The following AUTS2 variants were observed in gnomAD, a reference collection of about 807,000 sequenced individuals.
The protein encoded by AUTS2 is autism susceptibility gene 2 protein.
A neutral mutation model predicts 112.4 loss-of-function variants in AUTS2; 17 were observed. The observed-to-expected ratio is 0.15, with a 90% CI of 0.10 to 0.23. The LOEUF is 0.23. Among genes scored for constraint, AUTS2 ranks in the 10% least tolerant of loss-of-function variants. The pLI is 1.00. For synonymous variants in AUTS2, 751 were observed against 702.7 expected, an observed-to-expected ratio of 1.07 and a Z score of -1.09; for missense variants, 1,510 against 1,701.6, an observed-to-expected ratio of 0.89 and a Z score of 1.98.
chr7:70,614,025 G>T (rs1334938942), intron 5 of AUTS2, among the ~76,000 whole-genome samples: 1 of 152,192 alleles, frequency 6.6e-6, no homozygotes, highest in Non-Finnish European at 1.5e-5. Context: ...CGGCTAAACA[G>T]GGAGCCAGGG....
intron 1 of AUTS2, among the ~76,000 whole-genome samples, chr7:69,854,714 G>T (rs573071977): frequency 6.6e-6 from 1 of 152,198 alleles, no homozygotes; most frequent in South Asian, 2.1e-4. Context: ...GTGTGATTGA[G>T]TGATTAATTC....
At position 69,877,930 on chromosome 7, in the gene AUTS2, A is replaced by G. The variant is rs561686940; in HGVS notation, c.310-21356A>G. On this transcript the variant is annotated intron_variant, in intron 1 of 18. Coordinates refer to ENST00000342771, the MANE Select transcript of AUTS2 (RefSeq NM_015570.4). ...AGAGTCATGGCAGGCCGTGGAGAAG[A>G]TATAGTTGGTACCATCTTTTGGTGT... 3.9e-5 allele frequency among the ~76,000 whole-genome samples: 6 copies of G among 152,142 alleles called. No individual in the cohort carries two copies. In the South Asian group the frequency reaches 1.2e-3, roughly 32 times the overall value.
chr7:69,657,834 T>C (rs1179752490), intron 1 of AUTS2, among the ~76,000 whole-genome samples: 1 of 152,220 alleles, frequency 6.6e-6, no homozygotes, highest in African/African-American at 2.4e-5. Flanking sequence ...TATCACATTG[T>C]TCTGTAATTG....
At chr7:70,108,894 G>A (rs933512039) in intron 2 of AUTS2, among the ~76,000 whole-genome samples, 8 of 151,356 alleles carry the variant, frequency 5.3e-5, no homozygotes, top group African/African-American at 1.9e-4. Flanking sequence ...CTGGGATTGT[G>A]AGCCACCATG....
intron 1 of AUTS2, among the ~76,000 whole-genome samples, chr7:69,832,515 G>A (rs1791549387): frequency 6.6e-6 from 1 of 152,162 alleles, no homozygotes; most frequent in African/African-American, 2.4e-5. Flanking sequence ...AGACTCCCCT[G>A]CTTCTCTCTC....
chr7:70,768,310 G>T (rs1790066938), intron 10 of AUTS2, among the ~76,000 whole-genome samples: 1 of 152,190 alleles, frequency 6.6e-6, no homozygotes, highest in African/African-American at 2.4e-5. Flanking sequence ...GCTCTTTAGT[G>T]GCAGTCAGGC....
At chr7:70,661,666 G>T (rs182743337) in intron 5 of AUTS2, among the ~76,000 whole-genome samples, 143 of 152,052 alleles carry the variant, frequency 9.4e-4, no homozygotes, top group African/African-American at 3.4e-3. Flanking sequence ...CAAATCTGTA[G>T]ATCTGTAGAT....
chr7:70,514,572 G>A (rs1404887932), intron 5 of AUTS2, among the ~76,000 whole-genome samples: 1 of 152,256 alleles, frequency 6.6e-6, no homozygotes, highest in African/African-American at 2.4e-5. Context: ...AGCCATTCAT[G>A]AGAGTTCCGT....
chr7:70,562,748 TAATG>T (rs1473563742), intron 5 of AUTS2, among the ~76,000 whole-genome samples: 1 of 152,084 alleles, frequency 6.6e-6, no homozygotes, highest in Non-Finnish European at 1.5e-5. Context: ...TAACAACAAA[TAATG>T]AATAACATAT....
intron 1 of AUTS2, among the ~76,000 whole-genome samples, chr7:69,617,047 G>A (rs1325018329): frequency 6.6e-6 from 1 of 152,072 alleles, no homozygotes; most frequent in Non-Finnish European, 1.5e-5. Flanking sequence ...AAGGATGGGG[G>A]GACATACTGT....
chr7:69,625,577 G>A (rs1583963950), intron 1 of AUTS2, among the ~76,000 whole-genome samples: 3 of 152,224 alleles, frequency 2.0e-5, no homozygotes, highest in Admixed American at 2.0e-4. Flanking sequence ...GTGTTATTTG[G>A]GCTGCGCACG....
intron 2 of AUTS2, among the ~76,000 whole-genome samples, chr7:70,103,327 C>T (rs1397695161): frequency 6.6e-6 from 1 of 152,162 alleles, no homozygotes; most frequent in Non-Finnish European, 1.5e-5. Flanking sequence ...CCTCCACTTA[C>T]TTAACTCTAA....
At chr7:70,195,891 G>A (rs893607055) in intron 4 of AUTS2, among the ~76,000 whole-genome samples, 1 of 152,150 alleles carries the variant, frequency 6.6e-6, no homozygotes, top group African/African-American at 2.4e-5. Context: ...TACAAAATGT[G>A]TAGATTCCTG....
At chr7:69,754,746 C>T (rs1787880320) in intron 1 of AUTS2, among the ~76,000 whole-genome samples, 1 of 152,130 alleles carries the variant, frequency 6.6e-6, no homozygotes, top group South Asian at 2.1e-4. Flanking sequence ...TATCTTAGCT[C>T]ATCTCATTCT....
rs1268852225 is a variant in AUTS2, at chr7:70,642,164, TTTTCTGAG to T, written c.691-56397_691-56390del. Among the ~76,000 whole-genome samples the T allele has an allele frequency of 2.6e-5, 4 of 152,332 alleles. No homozygotes were observed. In the East Asian group the frequency reaches 7.7e-4, roughly 29 times the overall value. On this transcript the variant is annotated intron_variant, in intron 5 of 18. Transcript: ENST00000342771. ...TAAAGTATTATAAGGAGTTGACCATTTTTCTGAGTTTCTGATTTCTTGTTGATTTGCAT... is the reference window on the plus strand; with the variant it reads ...TAAAGTATTATAAGGAGTTGACCATTTTTCTGATTTCTTGTTGATTTGCAT...
chr7:69,700,606 C>G (rs1025377715), intron 1 of AUTS2, among the ~76,000 whole-genome samples: 3 of 152,108 alleles, frequency 2.0e-5, no homozygotes, highest in Admixed American at 6.5e-5. Flanking sequence ...TCTGACTAGC[C>G]TCCATTATGA....
chr7:69,759,828 G>A (rs565936960), intron 1 of AUTS2, among the ~76,000 whole-genome samples: 1 of 118,972 alleles, frequency 8.4e-6, no homozygotes, highest in South Asian at 2.8e-4. Flanking sequence ...GAACCTGGAA[G>A]CTGAACCTGA....
Position 70,790,109 on chromosome 7 carries a change from C to G in AUTS2, c.2893C>G (p.Arg965Gly). The G allele has an allele frequency of 1.9e-6, 3 of 1,596,134 alleles. No homozygotes were observed. Among genetic ancestry groups the G allele is most frequent in the East Asian group, 2.3e-5 (1 of 43,916 alleles). The change falls in exon 19 of 19, where the codon CGC (arginine) becomes GGC (glycine). Residue 965 changes from arginine to glycine, a missense_variant. Physicochemically the swap from Arg to Gly is moderately radical, Grantham distance 125 (BLOSUM62 -2). Coordinates refer to ENST00000342771, the MANE Select transcript of AUTS2 (RefSeq NM_015570.4). This position sits in a 1 kb window ranked among gnomAD's most constrained non-coding sequence, Gnocchi z 7.6. ...NSTSSREAEP[R>G]KGEPAYENPK... ...CACCTCGAGCCGGGAGGCCGAGCCG[C>G]GCAAGGGTGAGCCGGCCTACGAGAA...
intron 4 of AUTS2, among the ~76,000 whole-genome samples, chr7:70,227,882 T>G (rs535016407): frequency 3.7e-4 from 57 of 152,250 alleles, no homozygotes; most frequent in Admixed American, 1.0e-3. Flanking sequence ...CCATGTGTGC[T>G]TAAAAGGAGT....
Sources: gnomAD v4.1 joint callset for allele counts (sites outside exome capture counted in the v4.1 genomes callset) on GRCh38, gnomAD v4.1.1 for gene constraint, Gnocchi (gnomAD v3.1) non-coding constraint, MANE v1.5 for transcripts, NCBI Gene and HGNC (gene_info 2026-07-23, HGNC 2026-07-21) for gene names.